Variants in ILDR2 observed in about 807,000 individuals in gnomAD.
ILDR2 encodes the protein immunoglobulin like domain containing receptor 2, also known as immunoglobulin-like domain-containing receptor 2.
A neutral mutation model predicts 66.8 loss-of-function variants in ILDR2; 25 were observed. The ratio of observed to expected loss-of-function variants is 0.37; its 90% CI spans 0.27 to 0.52. The LOEUF (loss-of-function observed/expected upper bound fraction) is 0.52, where lower values mean the gene tolerates loss of function less well. Among genes scored for constraint, ILDR2 ranks in the 20% least tolerant of loss-of-function variants. ILDR2 has a pLI of 0.88. For missense variants in ILDR2, 827 were observed against 876.8 expected (o/e 0.94, Z 0.72); for synonymous variants, 367 against 357.2 (o/e 1.03, Z -0.31).
rs1006615315 is a variant in ILDR2 at position 166,917,305 on chromosome 1, C to T, written c.*2050G>A. On this transcript the variant is annotated 3_prime_UTR_variant, in exon 10 of 10. Coordinates refer to ENST00000271417, the MANE Select transcript of ILDR2 (RefSeq NM_199351.3). ...ACACATACCAGCTCATCCCTCCGAC[C>T]CTCACCCAGCCACTTTCTTATTTCA... is the stretch of plus-strand genomic sequence containing the variant. 6.6e-6 allele frequency: 1 copy of T among 152,246 alleles called. No individual in the cohort carries two copies. Among genetic ancestry groups the T allele is most frequent in the Non-Finnish European group, 1.5e-5 (1 of 68,068 alleles). 9.4% of individuals were successfully genotyped at this position (152,246 alleles called of 1,614,324 possible). A position where few individuals can be genotyped will look rare whatever the true frequency, so the allele number is the denominator to read the frequency against.
intron 9 of ILDR2, among the ~76,000 whole-genome samples, chr1:166,919,906 G>A (rs1659802308): frequency 6.6e-6 from 1 of 152,134 alleles, no homozygotes; most frequent in African/African-American, 2.4e-5. Flanking sequence ...TTGCGAAGGG[G>A]GAGAAGCAGT....
chr1:166,906,307 T>C (rs751040522), downstream of ILDR2, among the ~76,000 whole-genome samples: 1 of 152,198 alleles, frequency 6.6e-6, no homozygotes, highest in South Asian at 2.1e-4. Flanking sequence ...TGTTTATGCA[T>C]TGAACATGGT....
chr1:166,950,543 A>G (rs565096163), intron 3 of ILDR2, among the ~76,000 whole-genome samples: 19 of 152,324 alleles, frequency 1.2e-4, no homozygotes, highest in Non-Finnish European at 2.4e-4. Flanking sequence ...GCATTTCTGC[A>G]TAGCCTTAAG....
chr1:166,906,004 A>ACT (rs1659337284), downstream of ILDR2, among the ~76,000 whole-genome samples: 1 of 152,216 alleles, frequency 6.6e-6, no homozygotes, highest in Non-Finnish European at 1.5e-5. Context: ...CTAGGGTATG[A>ACT]CTAAGCTGAA....
intron 2 of ILDR2, among the ~76,000 whole-genome samples, 157 bp downstream of exon 2, chr1:166,957,612 A>G (rs1273374658): frequency 1.3e-5 from 2 of 152,166 alleles, no homozygotes; most frequent in African/African-American, 4.8e-5. Flanking sequence ...CGTTAGGGCA[A>G]TGATAGGTCT....
chr1:166,903,835 C>T, downstream of ILDR2, among the ~76,000 whole-genome samples: 1 of 152,188 alleles, frequency 6.6e-6, no homozygotes, highest in East Asian at 1.9e-4. Context: ...TGGAACTCTG[C>T]CCGATGGTCC....
intron 2 of ILDR2, among the ~76,000 whole-genome samples, chr1:166,896,553 T>TAG (rs1659170441): frequency 6.6e-6 from 1 of 150,878 alleles, no homozygotes; most frequent in Non-Finnish European, 1.5e-5. Context: ...CAGATATATA[T>TAG]ATATATATAT....
intron 7 of ILDR2, among the ~76,000 whole-genome samples, chr1:166,924,917 G>A (rs1352879232): frequency 6.6e-6 from 1 of 152,166 alleles, no homozygotes; most frequent in Non-Finnish European, 1.5e-5. Context: ...TGGGGAGGCT[G>A]AGGTGGAAGG....
chr1:166,921,154 A>C lies in ILDR2; in HGVS notation c.1437T>G (p.Gly479=). 1.3e-6 allele frequency: 2 copies of C among 1,537,172 alleles called. No individual in the cohort carries two copies. The highest frequency in any genetic ancestry group is 1.7e-6 in the Non-Finnish European group (2 of 1,148,078). Residue 479 remains glycine, a synonymous_variant, in exon 9 of 10, where the codon GGT becomes GGG. Coordinates refer to ENST00000271417, the MANE Select transcript of ILDR2 (RefSeq NM_199351.3). The surrounding 1 kb of genome is among the most constrained non-coding windows in gnomAD (Gnocchi z 5.3). ...GGGGCTCGCGGCTGCGGCTGCGCTGACCGTAGTACTCCTCCAAGGAGTCGT... is the reference window on the plus strand; with the variant it reads ...GGGGCTCGCGGCTGCGGCTGCGCTGCCCGTAGTACTCCTCCAAGGAGTCGT... ...YQDDSLEEYY[G]QRSRSREPLT...
At chr1:166,920,311 G>C (rs867350408) in intron 9 of ILDR2, among the ~76,000 whole-genome samples, 4 of 152,190 alleles carry the variant, frequency 2.6e-5, no homozygotes, top group Non-Finnish European at 5.9e-5. Context: ...AATGCACATA[G>C]AAGGATGCAT....
At chr1:166,902,774 G>A (rs893779464) in intron 2 of ILDR2, among the ~76,000 whole-genome samples, 3 of 152,160 alleles carry the variant, frequency 2.0e-5, no homozygotes, top group African/African-American at 7.2e-5. Context: ...TTTATGTCAA[G>A]TTTTCTGAGT....
intron 2 of ILDR2, among the ~76,000 whole-genome samples, chr1:166,902,259 C>T (rs1659278028): frequency 6.6e-6 from 1 of 152,218 alleles, no homozygotes; most frequent in Non-Finnish European, 1.5e-5. Flanking sequence ...CCCCACTTTA[C>T]AGATTAGGAA....
chr1:166,907,513 T>C (rs1659369179), downstream of ILDR2, among the ~76,000 whole-genome samples: 4 of 152,128 alleles, frequency 2.6e-5, no homozygotes, highest in South Asian at 2.1e-4. Flanking sequence ...TGAGGGAACA[T>C]CTCTTAATAA....
rs1659487580 is a variant in ILDR2, at chr1:166,912,183, C to A, written c.*7172G>T. On this transcript the variant is annotated 3_prime_UTR_variant, in exon 10 of 10. Coordinates refer to ENST00000271417, the MANE Select transcript of ILDR2 (RefSeq NM_199351.3). ...AAACTGGTAATTGACTTCTTAAAAG[C>A]AAAAATAAAAGTCAGAAGGGAGTGT... 1 of 152,036 alleles carries A rather than the reference C, an allele frequency of 6.6e-6. No individual in the cohort carries two copies. Among genetic ancestry groups the A allele is most frequent in the African/African-American group, 2.4e-5 (1 of 41,424 alleles). The allele number at this position is 152,036 out of a possible 1,614,324, so 9.4% of individuals were successfully genotyped here. A position where few individuals can be genotyped will look rare whatever the true frequency, so the allele number is the denominator to read the frequency against.
At chr1:166,926,739 T>TTATTCAAAGAAAGTTTGAATAAAATA (rs1352512246) in intron 7 of ILDR2, among the ~76,000 whole-genome samples, 2 of 151,838 alleles carry the variant, frequency 1.3e-5, no homozygotes, top group African/African-American at 4.8e-5. Context: ...AGTTGGTTCT[T>TTATTCAAAGAAAGTTTGAATAAAATA]TATTCAAAGA....
At chr1:166,949,574 T>C (rs1661848038) in intron 3 of ILDR2, among the ~76,000 whole-genome samples, 1 of 152,192 alleles carries the variant, frequency 6.6e-6, no homozygotes, top group African/African-American at 2.4e-5. Context: ...AAGGTTGAGA[T>C]TATGGAGTAG....
chr1:166,929,329 T>C (rs61815128), intron 6 of ILDR2, among the ~76,000 whole-genome samples: 1,897 of 152,340 alleles, frequency 0.012, 52 homozygotes, highest in Non-Finnish European at 0.012. Flanking sequence ...TCTCATAGCT[T>C]GAAAAGTTCT....
rs1659436403 is a variant in ILDR2 at position 166,909,799 on chromosome 1, A to ATATT, written c.*9555_*9556insAATA. On this transcript the variant is annotated 3_prime_UTR_variant, in exon 10 of 10. Transcript: ENST00000271417. ...TATATATTTATATATATATATATAT[A>ATATT]TATATATCCTTCTAGCTTTGCTCTA... 1 of 135,266 alleles carries ATATT rather than the reference A, an allele frequency of 7.4e-6. No individual in the cohort carries two copies. Among genetic ancestry groups the ATATT allele is most frequent in the Non-Finnish European group, 1.6e-5 (1 of 64,316 alleles). 8.4% of individuals were successfully genotyped at this position (135,266 alleles called of 1,614,324 possible). A position where few individuals can be genotyped will look rare whatever the true frequency, so the allele number is the denominator to read the frequency against.
chr1:166,957,459 T>A (rs957488382), intron 2 of ILDR2, among the ~76,000 whole-genome samples: 3 of 152,106 alleles, frequency 2.0e-5, no homozygotes, highest in Non-Finnish European at 4.4e-5. Context: ...CTGAAGAAGT[T>A]TTTCCCCTAA....
Sources: gnomAD v4.1 joint callset for allele counts (sites outside exome capture counted in the v4.1 genomes callset) on GRCh38, gnomAD v4.1.1 for gene constraint, Gnocchi (gnomAD v3.1) non-coding constraint, MANE v1.5 for transcripts, NCBI Gene and HGNC (gene_info 2026-07-23, HGNC 2026-07-21) for gene names.